The following GYS2 variants were observed in gnomAD, a reference collection of about 807,000 sequenced individuals.
The protein encoded by GYS2 is glycogen synthase 2.
A neutral mutation model predicts 85.6 loss-of-function variants in GYS2; 80 were observed. That is an observed-to-expected ratio of 0.93 (90% CI 0.78 to 1.13). GYS2 has a LOEUF of 1.13. GYS2 is among the 50% of genes most tolerant of loss of function. The probability of loss-of-function intolerance (pLI) is 0.00; values close to 1 mark genes in which losing one functional copy is unlikely to be tolerated. For missense variants in GYS2, 881 were observed against 854.9 expected (o/e 1.03, Z -0.38); for synonymous variants, 328 against 300.7 (o/e 1.09, Z -0.94).
In GYS2 at chr12:21,537,005, C is replaced by T. The variant is rs563605387; in HGVS notation, c.2061G>A (p.Leu687=). 3.7e-6 allele frequency: 6 copies of T among 1,614,000 alleles called. No homozygotes were observed. Among genetic ancestry groups the T allele is most frequent in the East Asian group, 2.2e-5 (1 of 44,872 alleles). ...TTTTCTTCCCATGAGGAACGTGGCTCAGTGAAAATGGTGACTTGATATTTA... is the reference window on the plus strand; with the variant it reads ...TTTTCTTCCCATGAGGAACGTGGCTTAGTGAAAATGGTGACTTGATATTTA... ...DRLNIKSPFS[L]SHVPHGKKKL... Residue 687 remains leucine (L), a synonymous_variant, in exon 16 of 16, where the codon CTG becomes CTA. Coordinates refer to ENST00000261195, the MANE Select transcript of GYS2 (RefSeq NM_021957.4).
rs149066128 is a variant in GYS2 at position 21,549,798 on chromosome 12, A to T, written c.1423-3328T>A. ...GTGGTAAAGGTTTTCTATTTTTTTC[A>T]TTAATGATGATGTTTATTTTGATCT... On this transcript the variant is annotated intron_variant, in intron 11 of 15. Coordinates refer to ENST00000261195, the MANE Select transcript of GYS2 (RefSeq NM_021957.4). Among the ~76,000 whole-genome samples, 12 of 152,172 alleles carry T rather than the reference A, an allele frequency of 7.9e-5. No individual in the cohort carries two copies. In the East Asian group the frequency reaches 2.3e-3, roughly 29 times the overall value.
At chr12:21,600,707 G>A (rs917849379) in intron 1 of GYS2, among the ~76,000 whole-genome samples, 31 of 152,088 alleles carry the variant, frequency 2.0e-4, no homozygotes, top group African/African-American at 7.0e-4. Flanking sequence ...CTATATACGT[G>A]CACCTAATTT....
At chr12:21,534,293 T>TTGAGGCCCAC (rs1943891080), downstream of GYS2, among the ~76,000 whole-genome samples, 1 of 152,120 alleles carries the variant, frequency 6.6e-6, no homozygotes, top group African/African-American at 2.4e-5. Context: ...GGCACATCAC[T>TTGAGGCCCAC]TGAGGCCAGA....
intron 11 of GYS2, among the ~76,000 whole-genome samples, chr12:21,549,744 C>G (rs1452030423): frequency 2.0e-5 from 3 of 152,096 alleles, no homozygotes; most frequent in African/African-American, 7.2e-5. Flanking sequence ...AGAAGTGGTG[C>G]TGTGTTCTTT....
At chr12:21,558,431 G>A in intron 10 of GYS2, 118 bp from the exon 11 acceptor site, 2 of 704,016 alleles carry the variant, frequency 2.8e-6, no homozygotes, top group East Asian at 2.7e-5. Flanking sequence ...TTTTGAGATG[G>A]CACTAATGAT....
chr12:21,546,286 C>A, intron 12 of GYS2, 58 bp downstream of exon 12: 1 of 1,205,380 alleles, frequency 8.3e-7, no homozygotes, highest in Non-Finnish European at 1.2e-6. Context: ...TATATATGCA[C>A]ATAAAATAAT....
At chr12:21,559,937 A>C (rs886321149) in intron 8 of GYS2, among the ~76,000 whole-genome samples, 9 of 152,184 alleles carry the variant, frequency 5.9e-5, no homozygotes. Context: ...AAAGAGCTTA[A>C]AATTTTTTTG....
At chr12:21,578,663 T>C (rs1224319384) in intron 2 of GYS2, among the ~76,000 whole-genome samples, 2 of 152,204 alleles carry the variant, frequency 1.3e-5, no homozygotes. Context: ...GGTAAGATTG[T>C]CCTGAATTCT....
At position 21,560,482 on chromosome 12, in the gene GYS2, C is replaced by G. The variant is rs907754454; in HGVS notation, c.1073G>C (p.Ser358Thr). 6.8e-7 allele frequency: 1 copy of G among 1,469,300 alleles called. No homozygotes were observed. Among genetic ancestry groups the G allele is most frequent in the Non-Finnish European group, 9.5e-7 (1 of 1,047,532 alleles). 91.0% of individuals were successfully genotyped at this position (1,469,300 alleles called of 1,614,324 possible). Residue 358 changes from serine (S) to threonine (T), a missense_variant, in exon 8 of 16, where the codon AGT (serine) becomes ACT (threonine). Coordinates refer to ENST00000261195, the MANE Select transcript of GYS2 (RefSeq NM_021957.4). Reference sequence around the variant, plus strand: ...GAAAAACACCATCACTGTGATGTCACTTTTATGCATCTGATGAGGAATTAG... The same window carrying G: ...GAAAAACACCATCACTGTGATGTCAGTTTTATGCATCTGATGAGGAATTAG... ...RLNFLLRMHK[S>T]DITVMVFFIM... is the part of the protein sequence containing the mutation.
intron 12 of GYS2, among the ~76,000 whole-genome samples, chr12:21,544,693 AC>A (rs901493353): frequency 3.9e-5 from 6 of 152,232 alleles, no homozygotes; most frequent in African/African-American, 1.4e-4. Flanking sequence ...AGAAGACACC[AC>A]CTTCACAAAA....
At chr12:21,593,337 T>A (rs1171536097) in intron 1 of GYS2, among the ~76,000 whole-genome samples, 8 of 151,662 alleles carry the variant, frequency 5.3e-5, no homozygotes, top group Admixed American at 2.0e-4. Flanking sequence ...GAAAAGTTGT[T>A]ATTTAAAAAA....
chr12:21,580,821 A>G (rs185971679), intron 1 of GYS2, among the ~76,000 whole-genome samples: 277 of 152,348 alleles, frequency 1.8e-3, no homozygotes, highest in Middle Eastern at 6.8e-3. Context: ...TGAAAAGACA[A>G]TTGGAGTAAC....
chr12:21,580,337 T>C lies in GYS2; in HGVS notation c.303+5A>G, dbSNP rs767656394. The C allele has an allele frequency of 1.2e-6, 2 of 1,612,204 alleles. No homozygotes were observed. Among genetic ancestry groups the C allele is most frequent in the Non-Finnish European group, 1.7e-6 (2 of 1,178,568 alleles). Reference sequence around the variant, plus strand: ...AATTGCCAAGTGAAGTGTCAGTTCCTTTACCTGGCAGCCATGCTTATTCAT... The same window carrying C: ...AATTGCCAAGTGAAGTGTCAGTTCCCTTACCTGGCAGCCATGCTTATTCAT... On this transcript the variant is annotated splice_donor_5th_base_variant and intron_variant, in intron 2 of 15. Transcript: ENST00000261195.
intron 1 of GYS2, among the ~76,000 whole-genome samples, chr12:21,589,232 C>T (rs1395562446): frequency 2.0e-5 from 3 of 152,088 alleles, no homozygotes; most frequent in Non-Finnish European, 2.9e-5. Flanking sequence ...TGCTGAAGAA[C>T]ATAAGGGGGA....
intron 4 of GYS2, among the ~76,000 whole-genome samples, chr12:21,570,510 A>G (rs59582082): frequency 2.7e-4 from 41 of 152,360 alleles, no homozygotes; most frequent in African/African-American, 9.4e-4. Flanking sequence ...TTCAAGTGCA[A>G]AGACGAAGAC....
At chr12:21,604,134 C>A (rs1944781521) in intron 1 of GYS2, among the ~76,000 whole-genome samples, 1 of 152,044 alleles carries the variant, frequency 6.6e-6, no homozygotes, top group Non-Finnish European at 1.5e-5. Context: ...TTTAATTATA[C>A]TATTTTGCTG....
chr12:21,598,504 C>T (rs764718403), intron 1 of GYS2, among the ~76,000 whole-genome samples: 12 of 151,972 alleles, frequency 7.9e-5, no homozygotes, highest in Non-Finnish European at 1.5e-4. Flanking sequence ...ATTTTTACCT[C>T]GGTTTTTACT....
intron 1 of GYS2, among the ~76,000 whole-genome samples, chr12:21,583,339 C>A (rs1040166015): frequency 3.3e-5 from 5 of 152,202 alleles, no homozygotes; most frequent in Non-Finnish European, 7.3e-5. Context: ...GCCACTCTTA[C>A]AACCAAGAAA....
intron 1 of GYS2, among the ~76,000 whole-genome samples, chr12:21,601,255 T>C (rs1478292): frequency 0.93 from 141,420 of 152,068 alleles, 66,334 homozygotes; most frequent in East Asian, 1. Flanking sequence ...TTCCCTCCTC[T>C]CCTCTCCCTC....
Sources: allele counts gnomAD v4.1 joint callset (sites outside exome capture counted in the v4.1 genomes callset), GRCh38; gene constraint gnomAD v4.1.1; transcripts MANE v1.5; gene names NCBI Gene and HGNC (gene_info 2026-07-23, HGNC 2026-07-21).